Variants in ZNF695 observed in about 807,000 individuals in gnomAD.
ZNF695 encodes zinc finger protein 695.
ZNF695 carries 11 observed loss-of-function variants against 11.2 expected under a neutral mutation model. The observed-to-expected ratio is 0.98, with a 90% CI of 0.62 to 1.62. The LOEUF (loss-of-function observed/expected upper bound fraction) is 1.62. ZNF695 is among the 40% of genes most tolerant of loss of function. ZNF695 has a pLI of 0.00. For synonymous variants in ZNF695, 190 were observed against 201.4 expected, an observed-to-expected ratio of 0.94 and a Z score of 0.48; for missense variants, 559 against 590.5, an observed-to-expected ratio of 0.95 and a Z score of 0.55.
Position 246,987,845 on chromosome 1 carries a change from A to T in ZNF695, c.670T>A (p.Cys224Ser). 6.2e-7 allele frequency: 1 copy of T among 1,611,376 alleles called. No individual in the cohort carries two copies. The highest frequency in any genetic ancestry group is 8.5e-7 in the Non-Finnish European group (1 of 1,179,268). The change falls in exon 4 of 4, where the codon TGC becomes AGC. Residue 224 changes from cysteine (C) to serine (S), a missense_variant. Coordinates refer to ENST00000339986, the MANE Select transcript of ZNF695 (RefSeq NM_020394.5). ...CKKCGKAFNE[C>S]SCFTDCKRIH... The stretch of plus-strand genomic sequence containing the variant: ...CTCTTACAGTCAGTAAAGCATGAGC[A>T]CTCATTAAAGGCTTTGCCACATTTT...
chr1:246,953,840 C>A (rs1667926485), intron 5 of ZNF695, among the ~76,000 whole-genome samples: 1 of 151,236 alleles, frequency 6.6e-6, no homozygotes, highest in African/African-American at 2.4e-5. Context: ...GCAGGAGAAT[C>A]ACTTGAACCC....
At chr1:247,000,482 C>T (rs1015366915) in intron 1 of ZNF695, among the ~76,000 whole-genome samples, 7 of 151,974 alleles carry the variant, frequency 4.6e-5, no homozygotes, top group African/African-American at 1.4e-4. Flanking sequence ...GGTGACAGAG[C>T]GAGACTCTGT....
intron 4 of ZNF695, among the ~76,000 whole-genome samples, chr1:246,974,157 C>CAAAAAAAAAAAAAAAAA (rs879375430): frequency 7.8e-6 from 1 of 127,396 alleles, no homozygotes. Flanking sequence ...AACAAACAAA[C>CAAAAAAAAAAAAAAAAA]AAACAAAAAA....
chr1:246,945,601 GAA>G (rs756512217), downstream of ZNF695: 101 of 580,590 alleles, frequency 1.7e-4, no homozygotes, highest in Non-Finnish European at 2.9e-4. Context: ...AATGAAAAGG[GAA>G]AAAAAGAGAT....
chr1:246,945,874 C>G, intron 5 of ZNF695: 2 of 1,547,544 alleles, frequency 1.3e-6, no homozygotes, highest in Non-Finnish European at 1.7e-6. Flanking sequence ...CCGAGTAGCT[C>G]CTTGGGATAT....
chr1:246,958,107 G>A (rs1188305010), intron 5 of ZNF695, among the ~76,000 whole-genome samples: 1 of 151,038 alleles, frequency 6.6e-6, no homozygotes, highest in Non-Finnish European at 1.5e-5. Flanking sequence ...CGCCCAGGCT[G>A]GAGTGCAGTG....
chr1:246,976,814 A>AAATG (rs1187789261), intron 4 of ZNF695, among the ~76,000 whole-genome samples: 1 of 152,160 alleles, frequency 6.6e-6, no homozygotes, highest in Non-Finnish European at 1.5e-5. Context: ...ATAAATAAAT[A>AAATG]AATAACACTG....
At chr1:247,002,651 T>C (rs1447668102) in intron 1 of ZNF695, among the ~76,000 whole-genome samples, 4 of 152,126 alleles carry the variant, frequency 2.6e-5, no homozygotes, top group Admixed American at 1.3e-4. Flanking sequence ...CTGGGTGTGG[T>C]GGTGCATGCC....
At chr1:246,954,922 G>A (rs566993816) in intron 5 of ZNF695, among the ~76,000 whole-genome samples, 1 of 152,262 alleles carries the variant, frequency 6.6e-6, no homozygotes, top group African/African-American at 2.4e-5. Context: ...TAGGCTATCA[G>A]GTAAGGCCTT....
chr1:247,003,342 T>C (rs1472403823), intron 1 of ZNF695, among the ~76,000 whole-genome samples: 1 of 152,194 alleles, frequency 6.6e-6, no homozygotes, highest in Non-Finnish European at 1.5e-5. Flanking sequence ...ATTTAATTAA[T>C]ACAGAACAGA....
At chr1:246,957,199 G>A (rs1277736002) in intron 5 of ZNF695, among the ~76,000 whole-genome samples, 1 of 152,038 alleles carries the variant, frequency 6.6e-6, no homozygotes, top group African/African-American at 2.4e-5. Flanking sequence ...TGGCCAACAT[G>A]GTGAAACCCC....
chr1:246,955,392 C>G (rs995706376), intron 5 of ZNF695, among the ~76,000 whole-genome samples: 15 of 152,132 alleles, frequency 9.9e-5, no homozygotes, highest in Non-Finnish European at 2.1e-4. Flanking sequence ...CTTAGGGGAT[C>G]ACTGTCGTCT....
At chr1:246,962,459 T>C (rs1368697568) in intron 5 of ZNF695, among the ~76,000 whole-genome samples, 1 of 152,200 alleles carries the variant, frequency 6.6e-6, no homozygotes, top group African/African-American at 2.4e-5. Context: ...GTCATAAAGA[T>C]TTTACTTCTT....
chr1:246,961,416 T>C (rs1668161504), intron 5 of ZNF695, among the ~76,000 whole-genome samples: 1 of 152,242 alleles, frequency 6.6e-6, no homozygotes. Context: ...CAGTGCCTGT[T>C]CTTAAATCCT....
At chr1:246,979,382 T>C (rs1668647434) in intron 4 of ZNF695, among the ~76,000 whole-genome samples, 1 of 152,106 alleles carries the variant, frequency 6.6e-6, no homozygotes, top group Admixed American at 6.6e-5. Context: ...TGATTCCGTT[T>C]GTCATAGCCA....
chr1:246,964,522 T>G (rs1668239698), intron 5 of ZNF695, among the ~76,000 whole-genome samples: 1 of 152,256 alleles, frequency 6.6e-6, no homozygotes, highest in Non-Finnish European at 1.5e-5. Context: ...GCCAAAGGAC[T>G]GGAGACAAAT....
intron 3 of ZNF695, among the ~76,000 whole-genome samples, chr1:246,991,494 A>G (rs1445842037): frequency 6.6e-6 from 1 of 152,226 alleles, no homozygotes; most frequent in Non-Finnish European, 1.5e-5. Context: ...TCAAAACAAG[A>G]CACAAATAGC....
At chr1:247,004,880 A>T (rs1669490175) in intron 1 of ZNF695, among the ~76,000 whole-genome samples, 1 of 152,232 alleles carries the variant, frequency 6.6e-6, no homozygotes, top group Non-Finnish European at 1.5e-5. Flanking sequence ...AAGAAGTGAA[A>T]GATTTCAACA....
chr1:246,984,850 T>C (rs1373174568), downstream of ZNF695, among the ~76,000 whole-genome samples: 3 of 152,176 alleles, frequency 2.0e-5, no homozygotes, highest in Non-Finnish European at 2.9e-5. Flanking sequence ...ATTATTATAA[T>C]CCCTGAGAAG....
Sources: gnomAD v4.1 joint callset for allele counts (sites outside exome capture counted in the v4.1 genomes callset) on GRCh38, gnomAD v4.1.1 for gene constraint, MANE v1.5 for transcripts, NCBI Gene and HGNC (gene_info 2026-07-23, HGNC 2026-07-21) for gene names.